Variants in ZNF423 observed in about 807,000 individuals in gnomAD.
ZNF423 encodes zinc finger protein 423, also known as Ebf-associated zinc finger protein.
Under a neutral mutation model 95.8 loss-of-function variants are expected in ZNF423, and 12 were observed. The observed-to-expected ratio is 0.13, with a 90% CI of 0.08 to 0.20. The LOEUF is 0.20. Ranked by LOEUF, ZNF423 falls within the 10% of genes least tolerant of loss-of-function variation. The pLI, the probability that ZNF423 is intolerant of heterozygous loss-of-function variation, is 1.00. For synonymous variants in ZNF423, 749 were observed against 711.9 expected, an observed-to-expected ratio of 1.05 and a Z score of -0.83; for missense variants, 1,316 against 1,737.1, an observed-to-expected ratio of 0.76 and a Z score of 4.31.
chr16:49,848,585 G>C (rs1409607246), intron 1 of ZNF423, among the ~76,000 whole-genome samples: 1 of 152,136 alleles, frequency 6.6e-6, no homozygotes, highest in East Asian at 1.9e-4. Flanking sequence ...ATCTGGGAGA[G>C]GGAAATTGCT....
intron 1 of ZNF423, among the ~76,000 whole-genome samples, chr16:49,841,293 C>T (rs2035180369): frequency 6.6e-6 from 1 of 152,166 alleles, no homozygotes; most frequent in Admixed American, 6.5e-5. Flanking sequence ...TATCCCCAGG[C>T]ACAATTCTGC....
intron 3 of ZNF423, among the ~76,000 whole-genome samples, chr16:49,655,528 C>T (rs989339868): frequency 2.6e-5 from 4 of 152,194 alleles, no homozygotes; most frequent in African/African-American, 9.7e-5. Context: ...GCATGGGGTC[C>T]CCTTCCACGT....
intron 5 of ZNF423, among the ~76,000 whole-genome samples, chr16:49,575,528 CT>C (rs1970469778): frequency 6.6e-6 from 1 of 152,184 alleles, no homozygotes; most frequent in South Asian, 2.1e-4. Context: ...TTAGGAGTGG[CT>C]GCCCCAGTCC....
chr16:49,749,065 G>A (rs1007419557), intron 2 of ZNF423, among the ~76,000 whole-genome samples: 4 of 152,148 alleles, frequency 2.6e-5, no homozygotes, highest in African/African-American at 4.8e-5. Flanking sequence ...ATAAAGAGAC[G>A]AGGAAGGTGG....
rs540445590 is a variant in ZNF423, at chr16:49,596,597, A to G, written c.3601+29573T>C. Among the ~76,000 whole-genome samples, 10 of 152,362 alleles carry G rather than the reference A, an allele frequency of 6.6e-5. No homozygotes were observed. In the South Asian group the frequency reaches 2.1e-3, roughly 32 times the overall value. On this transcript the variant is annotated intron_variant, in intron 5 of 7. Coordinates refer to ENST00000563137, the MANE Select transcript of ZNF423 (RefSeq NM_001379286.1). ...CAATATATGGAAATGGAAAATGCTA[A>G]TTTGTGTTTTTCTACTTATGAAAAA...
At chr16:49,854,346 A>AC in intron 1 of ZNF423, 4 of 985,380 alleles carry the variant, frequency 4.1e-6, no homozygotes, top group Non-Finnish European at 4.8e-6. Flanking sequence ...CCCTCCGGGG[A>AC]CTTCAGGAGG....
intron 7 of ZNF423, among the ~76,000 whole-genome samples, chr16:49,509,601 G>A (rs1967798399): frequency 6.6e-6 from 1 of 152,058 alleles, no homozygotes; most frequent in African/African-American, 2.4e-5. Flanking sequence ...TGACCAAAGA[G>A]TACAATCCAG....
chr16:49,629,408 C>T (rs1052238515), intron 4 of ZNF423, among the ~76,000 whole-genome samples: 4 of 152,194 alleles, frequency 2.6e-5, no homozygotes, highest in East Asian at 3.9e-4. Flanking sequence ...TACCTGTTCT[C>T]TGTTCCTATT....
intron 2 of ZNF423, chr16:49,731,425 G>A (rs1265799022): frequency 1.0e-6 from 1 of 966,052 alleles, no homozygotes; most frequent in Non-Finnish European, 1.2e-6. Flanking sequence ...TCCCAGGGCA[G>A]TGACGTTGGC....
chr16:49,641,321 G>T (rs1000962938), intron 3 of ZNF423, among the ~76,000 whole-genome samples: 1 of 152,198 alleles, frequency 6.6e-6, no homozygotes, highest in Non-Finnish European at 1.5e-5. Flanking sequence ...CTCCTGCGTG[G>T]GTAAGAAGGG....
chr16:49,680,331 C>T (rs1317926980), intron 3 of ZNF423, among the ~76,000 whole-genome samples: 1 of 152,266 alleles, frequency 6.6e-6, no homozygotes, highest in Non-Finnish European at 1.5e-5. Context: ...TCCTCTCTGC[C>T]TTGCTCACTC....
chr16:49,621,546 C>G (rs1972084766), intron 5 of ZNF423, among the ~76,000 whole-genome samples: 1 of 152,160 alleles, frequency 6.6e-6, no homozygotes, highest in South Asian at 2.1e-4. Context: ...AGTCCGGGTC[C>G]CAGGGGAGGC....
intron 5 of ZNF423, among the ~76,000 whole-genome samples, chr16:49,605,236 C>T (rs922734613): frequency 1.2e-4 from 18 of 152,152 alleles, no homozygotes; most frequent in African/African-American, 4.3e-4. Flanking sequence ...GTGGAGGATG[C>T]TTGTTGGCTA....
intron 3 of ZNF423, among the ~76,000 whole-genome samples, chr16:49,680,124 T>A (rs2031286654): frequency 6.6e-6 from 1 of 152,080 alleles, no homozygotes; most frequent in Non-Finnish European, 1.5e-5. Context: ...AACTAGACAC[T>A]CATGGGGACA....
chr16:49,813,952 T>C (rs1341393441), intron 1 of ZNF423, among the ~76,000 whole-genome samples: 3 of 152,202 alleles, frequency 2.0e-5, no homozygotes, highest in Non-Finnish European at 2.9e-5. Context: ...GGTGGGCTCC[T>C]GCAGAAGAAG....
At chr16:49,858,404 G>A (rs1489783153), upstream of ZNF423, among the ~76,000 whole-genome samples, 2 of 151,994 alleles carry the variant, frequency 1.3e-5, no homozygotes, top group Non-Finnish European at 2.9e-5. This position sits in a 1 kb window ranked among gnomAD's most constrained non-coding sequence, Gnocchi z 4.3. Context: ...GCACCCCCGC[G>A]GCTGGGGAGC....
At chr16:49,839,645 A>G (rs1284194616) in intron 1 of ZNF423, among the ~76,000 whole-genome samples, 2 of 152,142 alleles carry the variant, frequency 1.3e-5, no homozygotes, top group Non-Finnish European at 2.9e-5. Context: ...AAACAGCCCC[A>G]AGGAACTGAC....
chr16:49,543,123 C>A (rs907470621), intron 5 of ZNF423, among the ~76,000 whole-genome samples: 2 of 152,074 alleles, frequency 1.3e-5, no homozygotes, highest in Non-Finnish European at 2.9e-5. Flanking sequence ...CCAATAAGCC[C>A]ACAAATGACG....
At chr16:49,703,960 C>A (rs1217918887) in intron 3 of ZNF423, among the ~76,000 whole-genome samples, 1 of 152,194 alleles carries the variant, frequency 6.6e-6, no homozygotes, top group Non-Finnish European at 1.5e-5. Flanking sequence ...GTGATGCGCC[C>A]AGGCCATAAA....
Sources: gnomAD v4.1 joint callset for allele counts (sites outside exome capture counted in the v4.1 genomes callset) on GRCh38, gnomAD v4.1.1 for gene constraint, Gnocchi (gnomAD v3.1) non-coding constraint, MANE v1.5 for transcripts, NCBI Gene and HGNC (gene_info 2026-07-23, HGNC 2026-07-21) for gene names.